Variants in CUX1 observed in about 807,000 individuals in gnomAD.
CUX1 encodes protein CASP.
In CUX1, 31 loss-of-function variants were observed where a neutral mutation model predicts 158.8. That is an observed-to-expected ratio of 0.20 (90% CI 0.15 to 0.26). The LOEUF (loss-of-function observed/expected upper bound fraction) is 0.26. Ranked by LOEUF, CUX1 falls within the 10% of genes least tolerant of loss-of-function variation. The pLI, the probability that CUX1 is intolerant of heterozygous loss-of-function variation, is 1.00. For synonymous variants in CUX1, 879 were observed against 862.1 expected (o/e 1.02, Z -0.34); for missense variants, 1,589 against 2,014.6 (o/e 0.79, Z 4.04).
At chr7:102,170,145 C>T (rs988889774) in intron 9 of CUX1, among the ~76,000 whole-genome samples, 3 of 152,144 alleles carry the variant, frequency 2.0e-5, no homozygotes, top group Non-Finnish European at 2.9e-5. Flanking sequence ...TCAAAAGACT[C>T]GATTTCCACT....
In CUX1 at chr7:102,254,070, G is replaced by A. The variant is rs1801812193; in HGVS notation, c.*5028G>A. On this transcript the variant is annotated 3_prime_UTR_variant, in exon 24 of 24. Transcript: ENST00000292535. Reference sequence around the variant, plus strand: ...TCCCTCTGCCTGGTGGGCCGGCTTTGTGTGTCTCTCCTTTTGTGAGCGCAA... The same window carrying A: ...TCCCTCTGCCTGGTGGGCCGGCTTTATGTGTCTCTCCTTTTGTGAGCGCAA... The A allele has an allele frequency of 3.0e-6, 3 of 985,514 alleles. No individual in the cohort carries two copies. Among genetic ancestry groups the A allele is most frequent in the South Asian group, 9.4e-5 (2 of 21,292 alleles). 61.0% of individuals were successfully genotyped at this position (985,514 alleles called of 1,614,324 possible).
At chr7:101,947,954 G>C (rs781018212) in intron 2 of CUX1, among the ~76,000 whole-genome samples, 1 of 152,130 alleles carries the variant, frequency 6.6e-6, no homozygotes, top group Non-Finnish European at 1.5e-5. Flanking sequence ...ACTAATTTCT[G>C]TTGCACCTGA....
intron 1 of CUX1, among the ~76,000 whole-genome samples, chr7:101,856,744 G>A (rs932615312): frequency 6.6e-6 from 1 of 152,168 alleles, no homozygotes; most frequent in Non-Finnish European, 1.5e-5. Context: ...CGACTTTCAC[G>A]AGGAGTTGAC....
intron 4 of CUX1, among the ~76,000 whole-genome samples, chr7:102,078,204 T>C (rs1826988053): frequency 1.3e-5 from 2 of 152,142 alleles, no homozygotes; most frequent in South Asian, 4.1e-4. Context: ...GCCTCCTGAG[T>C]AGCAGGAACT....
At chr7:102,003,327 CA>C (rs1816932869) in intron 2 of CUX1, among the ~76,000 whole-genome samples, 1 of 151,562 alleles carries the variant, frequency 6.6e-6, no homozygotes, top group African/African-American at 2.4e-5. Flanking sequence ...CACACACACA[CA>C]CACACACGCC....
chr7:102,227,387 G>T lies in CUX1; in HGVS notation c.3151G>T (p.Ala1051Ser). Reference sequence around the variant, plus strand: ...TACAGAAAGCACTCCAAAGACCTCCGCCAGCTGCAGCCCTGCCCCTGAGTC... The same window carrying T: ...TACAGAAAGCACTCCAAAGACCTCCTCCAGCTGCAGCCCTGCCCCTGAGTC... ...VSSESTPKTS[A>S]SCSPAPESPM... The change falls in exon 21 of 24, where the codon GCC (alanine) becomes TCC (serine). Residue 1051 changes from alanine to serine, a missense_variant. Physicochemically the swap from Ala to Ser is moderately conservative, Grantham distance 99. Transcript: ENST00000292535. 6.2e-7 allele frequency: 1 copy of T among 1,608,540 alleles called. No homozygotes were observed.
At chr7:102,196,585 TC>T (rs781963334) in intron 14 of CUX1, 48 bp from the exon 15 acceptor site, 2 of 1,407,540 alleles carry the variant, frequency 1.4e-6, no homozygotes, top group African/African-American at 1.4e-5. Context: ...GGTTTTTTTT[TC>T]CCCCTTTGGA....
At chr7:101,825,753 CTGTGTGTG>C (rs537662700) in intron 1 of CUX1, among the ~76,000 whole-genome samples, 138 of 129,532 alleles carry the variant, frequency 1.1e-3, no homozygotes, top group African/African-American at 2.4e-3. Context: ...TTAATGAAAT[CTGTGTGTG>C]TGTGTGTGTG....
At chr7:102,145,136 A>G (rs1479715266) in intron 8 of CUX1, among the ~76,000 whole-genome samples, 2 of 151,334 alleles carry the variant, frequency 1.3e-5, no homozygotes, top group Non-Finnish European at 2.9e-5. Flanking sequence ...AGTAAGATCC[A>G]CACGTTGCAG....
At chr7:101,854,786 C>T (rs2131300703) in intron 1 of CUX1, among the ~76,000 whole-genome samples, 1 of 152,298 alleles carries the variant, frequency 6.6e-6, no homozygotes, top group South Asian at 2.1e-4. Context: ...ACTCTATCAC[C>T]CAGGCTGGAG....
chr7:101,967,014 A>AT (rs1433544120), intron 2 of CUX1, among the ~76,000 whole-genome samples: 2 of 151,492 alleles, frequency 1.3e-5, no homozygotes, highest in African/African-American at 4.9e-5. Context: ...ATTTTATTTT[A>AT]TTTTATTTTA....
chr7:102,281,941 G>A, intron 21 of CUX1: 1 of 1,552,426 alleles, frequency 6.4e-7, no homozygotes, highest in Non-Finnish European at 8.9e-7. Context: ...ACACGGGCGG[G>A]CCAGAGGCAC....
At chr7:102,279,942 T>C in intron 18 of CUX1, 1 of 786,316 alleles carries the variant, frequency 1.3e-6, no homozygotes, top group Non-Finnish European at 2.2e-6. Context: ...CTTCCCTTTT[T>C]TGCAGATGAG....
chr7:102,115,388 A>G, intron 8 of CUX1, 115 bp downstream of exon 8: 2 of 841,610 alleles, frequency 2.4e-6, no homozygotes, highest in Non-Finnish European at 1.9e-6. Context: ...GACACAGTGT[A>G]TTTCCCATGA....
At chr7:102,107,848 G>A (rs151040478) in intron 6 of CUX1, among the ~76,000 whole-genome samples, 3 of 152,312 alleles carry the variant, frequency 2.0e-5, no homozygotes, top group East Asian at 1.9e-4. Flanking sequence ...CCTGGTTGCC[G>A]GACCAAGGCC....
chr7:101,968,485 C>T (rs759105238), intron 2 of CUX1, among the ~76,000 whole-genome samples: 7 of 152,116 alleles, frequency 4.6e-5, no homozygotes, highest in Non-Finnish European at 1.0e-4. Context: ...TGCAGTGGCG[C>T]GATCTTGGCT....
chr7:101,999,217 C>CTTTTTTTTTTTTTTTTT (rs3988167), intron 2 of CUX1, among the ~76,000 whole-genome samples: 2 of 85,834 alleles, frequency 2.3e-5, no homozygotes, highest in Admixed American at 1.7e-4. Context: ...TTTTTTTTAC[C>CTTTTTTTTTTTTTTTTT]TTTTTTTTTT....
chr7:102,244,987 G>A (rs1800647839), intron 23 of CUX1, among the ~76,000 whole-genome samples: 1 of 152,238 alleles, frequency 6.6e-6, no homozygotes, highest in Non-Finnish European at 1.5e-5. Context: ...CACAAAGCAT[G>A]TGCCAGGCAC....
chr7:101,817,622 C>T, upstream of CUX1: 1 of 1,548,858 alleles, frequency 6.5e-7, no homozygotes, highest in Non-Finnish European at 8.7e-7. The surrounding 1 kb of genome is among the most constrained non-coding windows in gnomAD (Gnocchi z 4.1). Flanking sequence ...GGGACAGCCC[C>T]GGGACTCTGC....
Sources: allele counts gnomAD v4.1 joint callset (sites outside exome capture counted in the v4.1 genomes callset), GRCh38; gene constraint gnomAD v4.1.1; non-coding constraint Gnocchi (gnomAD v3.1); transcripts MANE v1.5; gene names NCBI Gene and HGNC (gene_info 2026-07-23, HGNC 2026-07-21).